Variants in FBXO4 observed in about 807,000 individuals in gnomAD.
FBXO4 encodes the protein F-box protein 4.
FBXO4 carries 36 observed loss-of-function variants against 43.7 expected under a neutral mutation model. The ratio of observed to expected loss-of-function variants is 0.82; its 90% CI spans 0.63 to 1.09. The LOEUF (loss-of-function observed/expected upper bound fraction) is 1.09, where lower values mean the gene tolerates loss of function less well. FBXO4 is among the 50% of genes least tolerant of loss of function. FBXO4 has a pLI of 0.00. For missense variants in FBXO4, 435 were observed against 474.1 expected (o/e 0.92, Z 0.77); for synonymous variants, 180 against 165.6 (o/e 1.09, Z -0.67).
chr5:42,031,556 A>G, the FBXO4 span, among the ~76,000 whole-genome samples: 3 of 151,960 alleles, frequency 2.0e-5, no homozygotes, highest in Admixed American at 2.0e-4. Flanking sequence ...ACATGTATAC[A>G]TATGTAACAA....
chr5:41,967,172 G>T, the FBXO4 span: 1 of 458,590 alleles, frequency 2.2e-6, no homozygotes, highest in Non-Finnish European at 4.3e-6. Flanking sequence ...TTAGACTTCA[G>T]CACTTTCCGT....
At chr5:42,039,174 A>C in the FBXO4 span, among the ~76,000 whole-genome samples, 1 of 152,086 alleles carries the variant, frequency 6.6e-6, no homozygotes, top group African/African-American at 2.4e-5. Context: ...ATTGAGCTCA[A>C]ATTCTCTAAG....
chr5:41,946,159 C>T (rs1752075018), downstream of FBXO4, among the ~76,000 whole-genome samples: 1 of 152,186 alleles, frequency 6.6e-6, no homozygotes, highest in Non-Finnish European at 1.5e-5. Context: ...TGGTGACACC[C>T]CTGGACCCAG....
At chr5:41,962,150 G>A in the FBXO4 span, among the ~76,000 whole-genome samples, 11 of 152,122 alleles carry the variant, frequency 7.2e-5, no homozygotes, top group African/African-American at 2.7e-4. Context: ...CTGCCATTTT[G>A]ATTATGTTTT....
chr5:42,019,197 A>G, the FBXO4 span, among the ~76,000 whole-genome samples: 1 of 152,194 alleles, frequency 6.6e-6, no homozygotes, highest in Non-Finnish European at 1.5e-5. Flanking sequence ...CAACAAAAAT[A>G]TGGCTTTGCA....
chr5:41,999,510 T>TAC, the FBXO4 span, among the ~76,000 whole-genome samples: 32 of 80,558 alleles, frequency 4.0e-4, no homozygotes, highest in African/African-American at 3.1e-3. Context: ...TATATGTGTA[T>TAC]ATATATATAT....
chr5:41,927,802 A>G (rs2112567790), intron 2 of FBXO4, among the ~76,000 whole-genome samples: 1 of 152,320 alleles, frequency 6.6e-6, no homozygotes, highest in African/African-American at 2.4e-5. Flanking sequence ...TTATCTTTGT[A>G]TCCCAGATGT....
At chr5:41,974,614 T>C in the FBXO4 span, among the ~76,000 whole-genome samples, 1 of 152,218 alleles carries the variant, frequency 6.6e-6, no homozygotes, top group East Asian at 1.9e-4. Flanking sequence ...ATTTGATCCA[T>C]TCTTTTTTTT....
the FBXO4 span, among the ~76,000 whole-genome samples, chr5:42,013,900 C>T: frequency 6.6e-6 from 1 of 152,082 alleles, no homozygotes; most frequent in Admixed American, 6.5e-5. Context: ...ACTCAGCTGC[C>T]GAGAGGAGAC....
downstream of FBXO4, among the ~76,000 whole-genome samples, chr5:41,944,836 T>A (rs982383653): frequency 9.9e-5 from 15 of 152,160 alleles, no homozygotes; most frequent in Admixed American, 6.5e-4. Context: ...GGCACATAAG[T>A]TGATGAAATG....
chr5:42,028,882 T>C, the FBXO4 span, among the ~76,000 whole-genome samples: 2 of 151,994 alleles, frequency 1.3e-5, no homozygotes, highest in Admixed American at 1.3e-4. Context: ...AATTTTTATC[T>C]TATTGTACTT....
chr5:41,988,950 C>A, the FBXO4 span, among the ~76,000 whole-genome samples: 1 of 152,040 alleles, frequency 6.6e-6, no homozygotes, highest in African/African-American at 2.4e-5. Flanking sequence ...AGCACTTAAC[C>A]ACAAATGACA....
chr5:41,956,526 C>A, the FBXO4 span, among the ~76,000 whole-genome samples: 1 of 151,994 alleles, frequency 6.6e-6, no homozygotes, highest in Non-Finnish European at 1.5e-5. Context: ...TCATCTGCTT[C>A]CAAAATGCCT....
At chr5:41,979,161 G>A in the FBXO4 span, among the ~76,000 whole-genome samples, 2 of 152,198 alleles carry the variant, frequency 1.3e-5, no homozygotes, top group African/African-American at 4.8e-5. Flanking sequence ...CTCAAGGTAA[G>A]ATTGGTTAAT....
At chr5:42,029,761 T>G in the FBXO4 span, among the ~76,000 whole-genome samples, 2 of 152,120 alleles carry the variant, frequency 1.3e-5, no homozygotes, top group Non-Finnish European at 2.9e-5. Context: ...TTCTTCAGTA[T>G]GCCAATTGCA....
chr5:41,981,999 G>A, the FBXO4 span, among the ~76,000 whole-genome samples: 1 of 151,232 alleles, frequency 6.6e-6, no homozygotes, highest in Admixed American at 6.6e-5. Flanking sequence ...AACATGCGGT[G>A]TTTGGTTTTT....
At chr5:41,950,738 A>T in the FBXO4 span, among the ~76,000 whole-genome samples, 1 of 152,248 alleles carries the variant, frequency 6.6e-6, no homozygotes, top group East Asian at 1.9e-4. Context: ...ATTATAAATC[A>T]TTCTACTATA....
At chr5:42,030,270 T>C in the FBXO4 span, among the ~76,000 whole-genome samples, 1 of 152,024 alleles carries the variant, frequency 6.6e-6, no homozygotes. Context: ...TATAGACCAA[T>C]GGAACAGAAC....
chr5:41,989,712 G>A, the FBXO4 span, among the ~76,000 whole-genome samples: 1 of 152,074 alleles, frequency 6.6e-6, no homozygotes, highest in Non-Finnish European at 1.5e-5. Flanking sequence ...GTAATGATTT[G>A]CTAATTCAAG....
Sources: gnomAD v4.1 joint callset for allele counts (sites outside exome capture counted in the v4.1 genomes callset) on GRCh38, gnomAD v4.1.1 for gene constraint, MANE v1.5 for transcripts, NCBI Gene and HGNC (gene_info 2026-07-23, HGNC 2026-07-21) for gene names.